SYNJ2BP: variants seen among roughly 807,000 people sequenced by gnomAD.
SYNJ2BP encodes the protein synaptojanin-2-binding protein.
A neutral mutation model predicts 16.9 loss-of-function variants in SYNJ2BP; 10 were observed. The ratio of observed to expected loss-of-function variants is 0.59; its 90% CI spans 0.36 to 1.00. The LOEUF (loss-of-function observed/expected upper bound fraction) is 1.00. SYNJ2BP is among the 50% of genes least tolerant of loss of function. The pLI is 0.01. For synonymous variants in SYNJ2BP, 54 were observed against 68.4 expected, an observed-to-expected ratio of 0.79 and a Z score of 1.04; for missense variants, 162 against 186.7, an observed-to-expected ratio of 0.87 and a Z score of 0.77.
In SYNJ2BP at chr14:70,368,660, C is replaced by T. The variant is rs1887448063; in HGVS notation, c.*4331G>A. 6.6e-6 allele frequency: 1 copy of T among 151,762 alleles called. No homozygotes were observed. Among genetic ancestry groups the T allele is most frequent in the Non-Finnish European group, 1.5e-5 (1 of 67,946 alleles). 9.4% of individuals were successfully genotyped at this position (151,762 alleles called of 1,614,324 possible). On this transcript the variant is annotated 3_prime_UTR_variant, in exon 4 of 4. Coordinates refer to ENST00000256366, the MANE Select transcript of SYNJ2BP (RefSeq NM_018373.3). ...ATGTTCCACTTACTTCGTGCAGAAG[C>T]TCAGGAAGCTGGGCTCTAAAGGCCC...
chr14:70,375,114 C>A (rs1887597567), intron 3 of SYNJ2BP, among the ~76,000 whole-genome samples: 2 of 151,226 alleles, frequency 1.3e-5, no homozygotes, highest in East Asian at 3.9e-4. Context: ...ATTTGGTTGT[C>A]AAGCTTTATC....
chr14:70,392,812 A>G (rs1423410011), intron 1 of SYNJ2BP, among the ~76,000 whole-genome samples: 1 of 152,190 alleles, frequency 6.6e-6, no homozygotes, highest in East Asian at 1.9e-4. Context: ...GGACCAACCA[A>G]TTGAAACAGA....
chr14:70,376,055 TG>T (rs1450431621), intron 2 of SYNJ2BP, among the ~76,000 whole-genome samples: 2 of 152,234 alleles, frequency 1.3e-5, no homozygotes, highest in Admixed American at 6.5e-5. Context: ...TTTTGACACT[TG>T]GGAATCTGTT....
intron 1 of SYNJ2BP, among the ~76,000 whole-genome samples, chr14:70,411,631 G>C (rs1888474790): frequency 6.6e-6 from 1 of 152,006 alleles, no homozygotes; most frequent in African/African-American, 2.4e-5. Context: ...CTCTATTATT[G>C]CTTAGGCCAT....
Position 70,388,616 on chromosome 14 carries a change from T to C in SYNJ2BP, c.65-10A>G, listed in dbSNP as rs1162334224. 1 of 1,476,420 alleles carries C rather than the reference T, an allele frequency of 6.8e-7. No homozygotes were observed. The highest frequency in any genetic ancestry group is 1.5e-5 in the South Asian group (1 of 68,822). The allele number at this position is 1,476,420 out of a possible 1,614,324, so 91.5% of individuals were successfully genotyped here. A position where few individuals can be genotyped will look rare whatever the true frequency, so the allele number is the denominator to read the frequency against. ...ATGTTGAAGCCCAGCCCTGAGAAAATCATGGAGGAGTAAAAAGATGGGGGT... is the reference window on the plus strand; with the variant it reads ...ATGTTGAAGCCCAGCCCTGAGAAAACCATGGAGGAGTAAAAAGATGGGGGT... On this transcript the variant is annotated splice_polypyrimidine_tract_variant and intron_variant, in intron 1 of 3. Transcript: ENST00000256366.
intron 1 of SYNJ2BP, among the ~76,000 whole-genome samples, chr14:70,394,910 A>T (rs994521459): frequency 6.6e-6 from 1 of 152,234 alleles, no homozygotes; most frequent in African/African-American, 2.4e-5. Context: ...CAAAAATGTC[A>T]CACAGCTCTT....
At chr14:70,376,657 T>C (rs1438058667) in intron 2 of SYNJ2BP, among the ~76,000 whole-genome samples, 1 of 152,248 alleles carries the variant, frequency 6.6e-6, no homozygotes. Flanking sequence ...TTATCTCTTT[T>C]AATTCTCATG....
intron 3 of SYNJ2BP, among the ~76,000 whole-genome samples, 189 bp from the exon 4 acceptor site, chr14:70,373,320 G>C (rs1594939657): frequency 6.6e-6 from 1 of 152,252 alleles, no homozygotes; most frequent in East Asian, 1.9e-4. Context: ...TCTTTGGAAA[G>C]AAAATAGGTC....
rs867663901 is a variant in SYNJ2BP at position 70,373,100 on chromosome 14, C to T, written c.329G>A (p.Arg110Gln). The change falls in exon 4 of 4, where the codon CGA becomes CAA. Residue 110 changes from arginine to glutamine, a missense_variant. By Grantham distance (43) the Arg-to-Gln change is conservative (BLOSUM62 1). Coordinates refer to ENST00000256366, the MANE Select transcript of SYNJ2BP (RefSeq NM_018373.3). Reference sequence around the variant, plus strand: ...AATACCACTTGGGTCCCCTTCACCTCGATGTCCTATAGGTCCATTCTGCAC... The same window carrying T: ...AATACCACTTGGGTCCCCTTCACCTTGATGTCCTATAGGTCCATTCTGCAC... ...LQVQNGPIGHRGEGDPSGIPI... is the reference protein window; with the variant it reads ...LQVQNGPIGHQGEGDPSGIPI... 9.9e-6 allele frequency: 16 copies of T among 1,613,932 alleles called. No homozygotes were observed. The highest frequency in any genetic ancestry group is 2.2e-5 in the East Asian group (1 of 44,880).
intron 2 of SYNJ2BP, among the ~76,000 whole-genome samples, chr14:70,381,307 T>C (rs1374829046): frequency 6.6e-6 from 1 of 152,192 alleles, no homozygotes; most frequent in Non-Finnish European, 1.5e-5. Context: ...AGGCTAAAGG[T>C]ATTCTAATTT....
intron 1 of SYNJ2BP, among the ~76,000 whole-genome samples, chr14:70,404,892 G>C (rs1482905060): frequency 6.6e-6 from 1 of 152,198 alleles, no homozygotes; most frequent in Non-Finnish European, 1.5e-5. Context: ...TTGGGAGGCT[G>C]AAGTGGGTGG....
intron 2 of SYNJ2BP, among the ~76,000 whole-genome samples, chr14:70,380,951 C>A (rs1453708509): frequency 6.6e-6 from 1 of 152,206 alleles, no homozygotes; most frequent in Non-Finnish European, 1.5e-5. Flanking sequence ...GTAACTTCAA[C>A]ATGTATCTCA....
At chr14:70,411,642 A>C (rs181747663) in intron 1 of SYNJ2BP, among the ~76,000 whole-genome samples, 6 of 152,262 alleles carry the variant, frequency 3.9e-5, no homozygotes, top group Non-Finnish European at 5.9e-5. Flanking sequence ...CTTAGGCCAT[A>C]CTCATCCCTG....
chr14:70,373,854 T>TG (rs1425123254), intron 3 of SYNJ2BP, among the ~76,000 whole-genome samples: 1 of 152,240 alleles, frequency 6.6e-6, no homozygotes. Context: ...TAGCTCTTCT[T>TG]AATATCAACT....
chr14:70,408,102 GTT>G (rs570551966), intron 1 of SYNJ2BP, among the ~76,000 whole-genome samples: 19 of 142,392 alleles, frequency 1.3e-4, no homozygotes, highest in Non-Finnish European at 1.5e-4. Context: ...CTTCTAACAG[GTT>G]TTTTTTTTTT....
Position 70,370,479 on chromosome 14 carries a change from C to G in SYNJ2BP, c.*2512G>C, listed in dbSNP as rs1248269782. ...CTCAAAGGTATTGAATAGTTGATGT[C>G]AAAAGGCACTTTATGTCAGGACTGT... On this transcript the variant is annotated 3_prime_UTR_variant, in exon 4 of 4. Coordinates refer to ENST00000256366, the MANE Select transcript of SYNJ2BP (RefSeq NM_018373.3). 6.6e-6 allele frequency: 1 copy of G among 152,206 alleles called. No individual in the cohort carries two copies. Among genetic ancestry groups the G allele is most frequent in the African/African-American group, 2.4e-5 (1 of 41,452 alleles). The allele number at this position is 152,206 out of a possible 1,614,324, so 9.4% of individuals were successfully genotyped here.
chr14:70,374,916 G>C (rs1261165852), intron 3 of SYNJ2BP, among the ~76,000 whole-genome samples: 2 of 149,878 alleles, frequency 1.3e-5, no homozygotes, highest in East Asian at 2.0e-4. Flanking sequence ...TTTTCCATTG[G>C]TCCATGTCAC....
At chr14:70,377,997 G>A (rs1460308509) in intron 2 of SYNJ2BP, among the ~76,000 whole-genome samples, 3 of 152,132 alleles carry the variant, frequency 2.0e-5, no homozygotes, top group African/African-American at 7.2e-5. Flanking sequence ...TTTTTCTAAA[G>A]GTCACCAATA....
intron 1 of SYNJ2BP, among the ~76,000 whole-genome samples, chr14:70,405,014 C>G (rs1413429841): frequency 2.0e-5 from 3 of 151,988 alleles, no homozygotes; most frequent in Non-Finnish European, 4.4e-5. Flanking sequence ...GTAGTCCCAG[C>G]TATTCAGGAG....
Sources: gnomAD v4.1 joint callset for allele counts (sites outside exome capture counted in the v4.1 genomes callset) on GRCh38, gnomAD v4.1.1 for gene constraint, MANE v1.5 for transcripts, NCBI Gene and HGNC (gene_info 2026-07-23, HGNC 2026-07-21) for gene names.